PMM2: variants seen among roughly 807,000 people sequenced by gnomAD.
PMM2 encodes the protein phosphomannomutase 2.
PMM2 carries 35 observed loss-of-function variants against 33.2 expected under a neutral mutation model. That is an observed-to-expected ratio of 1.06 (90% CI 0.81 to 1.40). The LOEUF is 1.40. Among genes scored for constraint, PMM2 ranks in the 40% most tolerant of loss-of-function variants. The pLI is 0.00. For missense variants in PMM2, 386 were observed against 306.0 expected, an observed-to-expected ratio of 1.26 and a Z score of -1.95; for synonymous variants, 153 against 114.7, an observed-to-expected ratio of 1.33 and a Z score of -2.13.
At chr16:8,836,336 C>G (rs1264394134) in intron 7 of PMM2, among the ~76,000 whole-genome samples, 4 of 152,000 alleles carry the variant, frequency 2.6e-5, no homozygotes, top group Non-Finnish European at 4.4e-5. Context: ...GGCCAGAGTT[C>G]CAGGGGCTCT....
At chr16:8,800,015 A>T (rs1450610402) in intron 1 of PMM2, among the ~76,000 whole-genome samples, 1 of 152,248 alleles carries the variant, frequency 6.6e-6, no homozygotes, top group African/African-American at 2.4e-5. Flanking sequence ...CCAAGTGTTT[A>T]TATACTGAGG....
intron 2 of PMM2, among the ~76,000 whole-genome samples, chr16:8,803,357 A>G (rs1228481081): frequency 6.6e-6 from 1 of 152,196 alleles, no homozygotes; most frequent in African/African-American, 2.4e-5. Flanking sequence ...TTACCTGCTC[A>G]TGATCGCCCT....
At chr16:8,801,973 C>T (rs1385815914) in intron 2 of PMM2, 63 bp downstream of exon 2, 3 of 1,168,076 alleles carry the variant, frequency 2.6e-6, no homozygotes, top group Non-Finnish European at 3.8e-6. Context: ...ATATTGTTGC[C>T]AAGTATCATA....
rs144163928 is a variant in PMM2 at position 8,833,662 on chromosome 16, T to C, written c.640-14062T>C. ...GGAGGTCTTGTGGTAAGGGGTGATA[T>C]TGTGGGGATGTTAGAAGAAACATCT... is the stretch of plus-strand genomic sequence containing the variant. On this transcript the variant is annotated intron_variant, in intron 7 of 7. Transcript: ENST00000268261. Among the ~76,000 whole-genome samples the C allele has an allele frequency of 2.6e-3, 389 of 150,748 alleles. 2 individuals are homozygous for C. The highest frequency in any genetic ancestry group is 9.2e-3 in the African/African-American group (378 of 41,046).
At chr16:8,834,266 G>A (rs1267805698) in intron 7 of PMM2, among the ~76,000 whole-genome samples, 9 of 152,138 alleles carry the variant, frequency 5.9e-5, no homozygotes. Context: ...TACCTTTCCT[G>A]AAGATTGAGG....
intron 6 of PMM2, 98 bp downstream of exon 6, chr16:8,811,811 A>T (rs1325343184): frequency 1.2e-6 from 1 of 843,458 alleles, no homozygotes; most frequent in Non-Finnish European, 2.1e-6. Context: ...GTGCAGTTTT[A>T]GGTGGGCAGG....
intron 7 of PMM2, among the ~76,000 whole-genome samples, chr16:8,826,151 C>T (rs956343475): frequency 2.6e-5 from 4 of 152,134 alleles, no homozygotes; most frequent in Non-Finnish European, 2.9e-5. Context: ...AATACCCTTT[C>T]GATTTTAGCC....
chr16:8,824,049 A>C (rs116322698), intron 7 of PMM2, among the ~76,000 whole-genome samples: 4 of 152,256 alleles, frequency 2.6e-5, no homozygotes, highest in African/African-American at 9.6e-5. Context: ...ATACTCACAA[A>C]TAGTTTCCAA....
chr16:8,820,198 A>G (rs1274048952), intron 7 of PMM2, among the ~76,000 whole-genome samples: 3 of 152,248 alleles, frequency 2.0e-5, no homozygotes, highest in South Asian at 2.1e-4. Context: ...TTCTGTCTCA[A>G]TAAACAAATA....
At chr16:8,800,632 G>T (rs2060608043) in intron 1 of PMM2, among the ~76,000 whole-genome samples, 1 of 151,088 alleles carries the variant, frequency 6.6e-6, no homozygotes, top group African/African-American at 2.4e-5. Context: ...TTTTGTTTTG[G>T]GTGATTGCAA....
At chr16:8,814,918 A>G (rs2060698028) in intron 7 of PMM2, among the ~76,000 whole-genome samples, 1 of 152,294 alleles carries the variant, frequency 6.6e-6, no homozygotes, top group Middle Eastern at 3.4e-3. Context: ...TGTTTGTCCA[A>G]CAGATCTGTA....
chr16:8,844,987 C>T (rs2060915706), intron 7 of PMM2, among the ~76,000 whole-genome samples: 1 of 152,220 alleles, frequency 6.6e-6, no homozygotes, highest in Non-Finnish European at 1.5e-5. Flanking sequence ...GGGGATTGAT[C>T]TCCCAAGGGA....
intron 7 of PMM2, among the ~76,000 whole-genome samples, chr16:8,824,250 C>G (rs1357477390): frequency 6.6e-6 from 1 of 152,152 alleles, no homozygotes; most frequent in African/African-American, 2.4e-5. Context: ...TTCCTCCATT[C>G]CAATGGCACA....
At chr16:8,804,492 C>T (rs1184908475) in intron 2 of PMM2, among the ~76,000 whole-genome samples, 2 of 152,106 alleles carry the variant, frequency 1.3e-5, no homozygotes, top group Non-Finnish European at 2.9e-5. Context: ...TCTTCCTCTA[C>T]AGACAGTCAG....
At chr16:8,839,075 C>T (rs892640730) in intron 7 of PMM2, among the ~76,000 whole-genome samples, 1 of 151,894 alleles carries the variant, frequency 6.6e-6, no homozygotes, top group Non-Finnish European at 1.5e-5. Context: ...GTTGAAATGC[C>T]TGCTATTCCA....
At chr16:8,834,902 G>A in intron 7 of PMM2, among the ~76,000 whole-genome samples, 1 of 152,120 alleles carries the variant, frequency 6.6e-6, no homozygotes, top group Non-Finnish European at 1.5e-5. Flanking sequence ...GGAATAATGT[G>A]GGAGGCCAGA....
chr16:8,797,991 C>T (rs1395135851), intron 1 of PMM2, 43 bp downstream of exon 1: 8 of 1,557,086 alleles, frequency 5.1e-6, no homozygotes, highest in Non-Finnish European at 7.0e-6. Flanking sequence ...ACGCGGAGCC[C>T]GTGCTGTTCC....
intron 7 of PMM2, among the ~76,000 whole-genome samples, chr16:8,828,590 C>G (rs1256430612): frequency 6.6e-6 from 1 of 152,046 alleles, no homozygotes; most frequent in Non-Finnish European, 1.5e-5. Context: ...ATGCCGGAGA[C>G]CAAAAGAGGG....
intron 7 of PMM2, among the ~76,000 whole-genome samples, chr16:8,843,672 T>C (rs1353202523): frequency 6.6e-6 from 1 of 152,162 alleles, no homozygotes; most frequent in African/African-American, 2.4e-5. Context: ...GCAACTTTTT[T>C]CTATTATTGT....
Sources: gnomAD v4.1 joint callset for allele counts (sites outside exome capture counted in the v4.1 genomes callset) on GRCh38, gnomAD v4.1.1 for gene constraint, MANE v1.5 for transcripts, NCBI Gene and HGNC (gene_info 2026-07-23, HGNC 2026-07-21) for gene names.